The following NAV2 variants were observed in gnomAD, a reference collection of about 807,000 sequenced individuals.
NAV2 encodes the protein neuron navigator 2.
In NAV2, 54 loss-of-function variants were observed where a neutral mutation model predicts 223.2. The ratio of observed to expected loss-of-function variants is 0.24; its 90% CI spans 0.19 to 0.30. NAV2 has a LOEUF of 0.30. Ranked by LOEUF, NAV2 falls within the 10% of genes least tolerant of loss-of-function variation. The pLI is 1.00. For synonymous variants in NAV2, 1,279 were observed against 1,239.3 expected (o/e 1.03, Z -0.67); for missense variants, 2,806 against 3,147.5 (o/e 0.89, Z 2.60).
At chr11:19,635,785 G>A (rs1269810616) in intron 1 of NAV2, among the ~76,000 whole-genome samples, 1 of 152,192 alleles carries the variant, frequency 6.6e-6, no homozygotes, top group African/African-American at 2.4e-5. Flanking sequence ...CCTCCCACTA[G>A]ACCCTATCTC....
chr11:19,706,371 TTC>T (rs945817859), intron 1 of NAV2, among the ~76,000 whole-genome samples: 1 of 152,128 alleles, frequency 6.6e-6, no homozygotes. Context: ...AGCAAAAAAA[TTC>T]TCTCTATTAC....
intron 1 of NAV2, among the ~76,000 whole-genome samples, chr11:19,736,486 A>G (rs2052311852): frequency 6.6e-6 from 1 of 152,196 alleles, no homozygotes; most frequent in South Asian, 2.1e-4. Context: ...GGACTCTTAC[A>G]AAGTCTTTAC....
chr11:20,038,207 C>A (rs556369930), intron 12 of NAV2, among the ~76,000 whole-genome samples: 1 of 152,312 alleles, frequency 6.6e-6, no homozygotes, highest in African/African-American at 2.4e-5. Context: ...TTTAGACCAG[C>A]TCTTTGCTTT....
chr11:19,889,709 C>T (rs182477287), intron 5 of NAV2, among the ~76,000 whole-genome samples: 1 of 152,282 alleles, frequency 6.6e-6, no homozygotes, highest in East Asian at 1.9e-4. Flanking sequence ...CCAAGGAAAA[C>T]CCAGAACTAT....
chr11:19,899,108 A>C (rs955205096), intron 6 of NAV2, among the ~76,000 whole-genome samples: 5 of 152,116 alleles, frequency 3.3e-5, no homozygotes, highest in African/African-American at 1.2e-4. Context: ...ATTGCACCTC[A>C]TCTGATGGGA....
At chr11:19,873,363 T>C (rs1212238759) in intron 4 of NAV2, among the ~76,000 whole-genome samples, 1 of 151,518 alleles carries the variant, frequency 6.6e-6, no homozygotes, top group East Asian at 1.9e-4. Context: ...GTGGGACATT[T>C]CCCCCCAGAT....
intron 8 of NAV2, among the ~76,000 whole-genome samples, chr11:19,942,372 A>G (rs2046473019): frequency 6.6e-6 from 1 of 152,186 alleles, no homozygotes. Context: ...GGGAAACAGG[A>G]CACTCATATT....
chr11:20,023,060 A>T, intron 11 of NAV2: 4 of 1,551,384 alleles, frequency 2.6e-6, no homozygotes, highest in Non-Finnish European at 3.5e-6. Context: ...TGTGAGATTC[A>T]TTCAGCTTCT....
rs77360539 is a variant in NAV2, at chr11:19,527,574, T to C, written c.75+176547T>C. Among the ~76,000 whole-genome samples, 1,414 of 152,174 alleles carry C rather than the reference T, an allele frequency of 9.3e-3. 16 individuals carry two copies. Among genetic ancestry groups the C allele is most frequent in the African/African-American group, 0.033 (1,352 of 41,486 alleles). ...GACAGACATCAGGCTCTCCAGCCCA[T>C]TGAAACTGCTTTTCCTAGCCTGGAC... On this transcript the variant is annotated intron_variant, in intron 1 of 37. Transcript: ENST00000360655.
At chr11:19,350,753 T>C (rs1032352059) in exon 1 of NAV2, 3 of 590,992 alleles carry the variant, frequency 5.1e-6, no homozygotes, top group Non-Finnish European at 3.0e-6. Context: ...GTCACCCTCA[T>C]TGCAAAGGCA....
chr11:20,073,286 C>T (rs1048203554), intron 22 of NAV2, among the ~76,000 whole-genome samples: 2 of 151,996 alleles, frequency 1.3e-5, no homozygotes, highest in African/African-American at 4.8e-5. Flanking sequence ...GGATGAAGCC[C>T]ACTTGATCAT....
At chr11:19,950,531 AT>A in intron 10 of NAV2, among the ~76,000 whole-genome samples, 1 of 152,242 alleles carries the variant, frequency 6.6e-6, no homozygotes, top group Middle Eastern at 3.4e-3. Context: ...AATGAATTTG[AT>A]TTTTCTCTGT....
intron 1 of NAV2, among the ~76,000 whole-genome samples, chr11:19,745,561 G>A (rs896962556): frequency 6.6e-6 from 1 of 152,084 alleles, no homozygotes; most frequent in Non-Finnish European, 1.5e-5. Flanking sequence ...TTTCTTGGGG[G>A]TAGCCGGCTA....
At chr11:19,643,321 C>G (rs369239439) in intron 1 of NAV2, among the ~76,000 whole-genome samples, 2 of 126,726 alleles carry the variant, frequency 1.6e-5, no homozygotes, top group African/African-American at 5.8e-5. Context: ...CCCCTCCCCC[C>G]ACCCCACGAC....
chr11:19,956,355 C>T (rs879387505), intron 10 of NAV2, among the ~76,000 whole-genome samples: 1 of 151,748 alleles, frequency 6.6e-6, no homozygotes, highest in African/African-American at 2.4e-5. Flanking sequence ...TACCACACCC[C>T]CGACACACAT....
intron 1 of NAV2, among the ~76,000 whole-genome samples, chr11:19,612,369 T>G (rs542532680): frequency 6.6e-6 from 1 of 152,238 alleles, no homozygotes; most frequent in Admixed American, 6.5e-5. Context: ...TGCAGCCAGC[T>G]TGAATCTCTC....
At chr11:19,912,438 TA>T (rs2043392049) in intron 6 of NAV2, among the ~76,000 whole-genome samples, 1 of 152,078 alleles carries the variant, frequency 6.6e-6, no homozygotes, top group Non-Finnish European at 1.5e-5. Flanking sequence ...AAACAGAAAA[TA>T]AAATTTGTTT....
intron 1 of NAV2, among the ~76,000 whole-genome samples, chr11:19,657,346 T>C (rs1177253213): frequency 6.6e-6 from 1 of 152,172 alleles, no homozygotes; most frequent in African/African-American, 2.4e-5. Flanking sequence ...AATTGAGCAG[T>C]TGGAACTTAT....
At chr11:19,358,061 A>T (rs1277438576) in intron 1 of NAV2, among the ~76,000 whole-genome samples, 4 of 152,188 alleles carry the variant, frequency 2.6e-5, no homozygotes, top group African/African-American at 9.7e-5. Flanking sequence ...TAAAGCTTGG[A>T]TCAGATTCTT....
Sources: gnomAD v4.1 joint callset for allele counts (sites outside exome capture counted in the v4.1 genomes callset) on GRCh38, gnomAD v4.1.1 for gene constraint, MANE v1.5 for transcripts, NCBI Gene and HGNC (gene_info 2026-07-23, HGNC 2026-07-21) for gene names.